The following SIPA1L1 variants were observed in gnomAD, a reference collection of about 807,000 sequenced individuals.
SIPA1L1 encodes signal induced proliferation associated 1 like 1, also known as signal-induced proliferation-associated 1-like protein 1.
A neutral mutation model predicts 162.7 loss-of-function variants in SIPA1L1; 26 were observed. The observed-to-expected ratio is 0.16, with a 90% CI of 0.12 to 0.22. The LOEUF is 0.22. SIPA1L1 is among the 10% of genes least tolerant of loss of function. The pLI is 1.00. For synonymous variants in SIPA1L1, 829 were observed against 837.4 expected, an observed-to-expected ratio of 0.99 and a Z score of 0.17; for missense variants, 1,874 against 2,241.0, an observed-to-expected ratio of 0.84 and a Z score of 3.31.
At chr14:71,477,399 G>A (rs1283135187) in intron 2 of SIPA1L1, among the ~76,000 whole-genome samples, 2 of 152,092 alleles carry the variant, frequency 1.3e-5, no homozygotes, top group African/African-American at 4.8e-5. Flanking sequence ...AAACAAAAAC[G>A]CGGGTGTCAC....
At chr14:71,384,096 G>A (rs1342940200) in intron 2 of SIPA1L1, among the ~76,000 whole-genome samples, 2 of 152,062 alleles carry the variant, frequency 1.3e-5, no homozygotes, top group Non-Finnish European at 2.9e-5. Flanking sequence ...CAGCCAGACT[G>A]CGAATTACTT....
chr14:71,444,128 G>C (rs2045148901), intron 2 of SIPA1L1, among the ~76,000 whole-genome samples: 1 of 152,194 alleles, frequency 6.6e-6, no homozygotes, highest in South Asian at 2.1e-4. Flanking sequence ...AGCGGTGTTA[G>C]GATGTTCCAT....
chr14:71,701,975 A>G (rs1487402947), intron 14 of SIPA1L1, among the ~76,000 whole-genome samples: 1 of 152,230 alleles, frequency 6.6e-6, no homozygotes, highest in East Asian at 1.9e-4. Flanking sequence ...ACAAACCTCC[A>G]CAGTATACCA....
rs115237347 is a variant in SIPA1L1 at position 71,499,495 on chromosome 14, G to A, written c.-464-13248G>A. ...TGCTTTGCATGCCTCATCCTGTCAAGCAAGTTCTTGTTTAAGGAATATGTA... is the reference window on the plus strand; with the variant it reads ...TGCTTTGCATGCCTCATCCTGTCAAACAAGTTCTTGTTTAAGGAATATGTA... On this transcript the variant is annotated intron_variant, in intron 2 of 23. Transcript: ENST00000381232. Among the ~76,000 whole-genome samples, 697 of 152,260 alleles carry A rather than the reference G, an allele frequency of 4.6e-3. 3 individuals are homozygous for A. Among genetic ancestry groups the A allele is most frequent in the African/African-American group, 0.016 (655 of 41,552 alleles).
chr14:71,498,999 G>A (rs187094724), intron 2 of SIPA1L1, among the ~76,000 whole-genome samples: 20 of 152,064 alleles, frequency 1.3e-4, no homozygotes, highest in Middle Eastern at 3.4e-3. Context: ...TCAAATGATA[G>A]GGTTTATATG....
rs1319123763 is a variant in SIPA1L1, at chr14:71,709,451, G to A, written c.3995G>A (p.Gly1332Glu). The A allele has an allele frequency of 6.2e-7, 1 of 1,614,190 alleles. No individual in the cohort carries two copies. The highest frequency in any genetic ancestry group is 1.3e-5 in the African/African-American group (1 of 75,058). The change falls in exon 17 of 24, where the codon GGG becomes GAG. Residue 1332 changes from glycine (G) to glutamate (E), a missense_variant. By Grantham distance (98) the Gly-to-Glu change is moderately conservative. Around this residue, in one of 5 missense-constraint regions of SIPA1L1, gnomAD observed 936 missense variants for 1,051.9 expected, o/e 0.89. Transcript: ENST00000381232. ...GCTGCCACATCGTCACCTCGCTCAG[G>A]GCCAGGCAAGGAGAAAGTGGCACCC... ...LGAATSSPRSGPGKEKVAPLW... is the reference protein window; with the variant it reads ...LGAATSSPRSEPGKEKVAPLW...
At chr14:71,491,761 A>AACACACACACACAC (rs59275638) in intron 2 of SIPA1L1, among the ~76,000 whole-genome samples, 1,546 of 97,842 alleles carry the variant, frequency 0.016, 30 homozygotes, top group East Asian at 0.03. Flanking sequence ...TTTTATTTCA[A>AACACACACACACAC]ACACACACAC....
At chr14:71,695,822 G>C (rs1482726238) in intron 13 of SIPA1L1, among the ~76,000 whole-genome samples, 1 of 152,158 alleles carries the variant, frequency 6.6e-6, no homozygotes, top group East Asian at 1.9e-4. Flanking sequence ...GTGTGTATAA[G>C]AGCCAAACAC....
intron 5 of SIPA1L1, among the ~76,000 whole-genome samples, chr14:71,603,941 CTATATATATT>C (rs1555474527): frequency 1.7e-3 from 239 of 138,060 alleles, no homozygotes; most frequent in African/African-American, 5.0e-3. Context: ...ATTTATATAT[CTATATATATT>C]TATATATATT....
chr14:71,476,568 T>A (rs1214199209), intron 2 of SIPA1L1, among the ~76,000 whole-genome samples: 1 of 152,162 alleles, frequency 6.6e-6, no homozygotes, highest in African/African-American at 2.4e-5. Flanking sequence ...TCATAAAATA[T>A]GTTTTTGTAA....
chr14:71,624,632 T>C (rs1159303831), intron 7 of SIPA1L1, among the ~76,000 whole-genome samples: 1 of 152,134 alleles, frequency 6.6e-6, no homozygotes, highest in Non-Finnish European at 1.5e-5. Context: ...GCCTTAAATA[T>C]GTTATCTCAT....
intron 2 of SIPA1L1, among the ~76,000 whole-genome samples, chr14:71,434,313 C>T (rs2044217236): frequency 6.6e-6 from 1 of 152,120 alleles, no homozygotes; most frequent in Non-Finnish European, 1.5e-5. Context: ...AATACATATA[C>T]TCTTGATGTT....
intron 3 of SIPA1L1, among the ~76,000 whole-genome samples, chr14:71,516,121 G>T (rs1259453764): frequency 6.6e-6 from 1 of 152,158 alleles, no homozygotes; most frequent in Non-Finnish European, 1.5e-5. Flanking sequence ...CTTGGATCAG[G>T]TCAGCTTGGC....
intron 5 of SIPA1L1, among the ~76,000 whole-genome samples, chr14:71,609,167 A>G (rs1421616535): frequency 1.3e-5 from 2 of 152,138 alleles, no homozygotes; most frequent in Non-Finnish European, 2.9e-5. Context: ...TTGTTATAAT[A>G]AATAATGCTT....
intron 2 of SIPA1L1, among the ~76,000 whole-genome samples, chr14:71,346,494 A>G (rs2036182138): frequency 6.6e-6 from 1 of 152,194 alleles, no homozygotes; most frequent in Non-Finnish European, 1.5e-5. Context: ...AGCTCAGAGC[A>G]AAGATGGTAT....
intron 19 of SIPA1L1, among the ~76,000 whole-genome samples, chr14:71,729,193 G>A (rs1210366386): frequency 2.6e-5 from 4 of 151,972 alleles, no homozygotes; most frequent in Admixed American, 2.0e-4. Flanking sequence ...GCACCACCAC[G>A]GCTGGGTAAT....
intron 2 of SIPA1L1, among the ~76,000 whole-genome samples, chr14:71,456,410 A>G (rs2046193001): frequency 6.6e-6 from 1 of 152,224 alleles, no homozygotes; most frequent in African/African-American, 2.4e-5. Context: ...AATTTTATGT[A>G]CTAAAATATT....
At chr14:71,708,456 C>G (rs899580375) in intron 16 of SIPA1L1, among the ~76,000 whole-genome samples, 2 of 151,892 alleles carry the variant, frequency 1.3e-5, no homozygotes, top group Non-Finnish European at 2.9e-5. Context: ...TCCTATATAA[C>G]TGGGACTATA....
chr14:71,324,621 G>C (rs776664844), intron 2 of SIPA1L1, among the ~76,000 whole-genome samples: 41 of 152,344 alleles, frequency 2.7e-4, no homozygotes, highest in Non-Finnish European at 4.1e-4. Flanking sequence ...CTACATAGTA[G>C]AGCCTGTAGG....
Sources: allele counts gnomAD v4.1 joint callset (sites outside exome capture counted in the v4.1 genomes callset), GRCh38; gene constraint gnomAD v4.1.1; regional missense constraint gnomAD v4.1.1; transcripts MANE v1.5; gene names NCBI Gene and HGNC (gene_info 2026-07-23, HGNC 2026-07-21).